The following CSRP2 variants were observed in gnomAD, a reference collection of about 807,000 sequenced individuals.
CSRP2 encodes the protein cysteine and glycine-rich protein 2.
In CSRP2, 18 loss-of-function variants were observed where a neutral mutation model predicts 24.6. The observed-to-expected ratio is 0.73, with a 90% CI of 0.51 to 1.09. The LOEUF is 1.09. Among genes scored for constraint, CSRP2 ranks in the 50% least tolerant of loss-of-function variants. The pLI, the probability that CSRP2 is intolerant of heterozygous loss-of-function variation, is 0.00. For synonymous variants in CSRP2, 87 were observed against 84.3 expected (o/e 1.03, Z -0.18); for missense variants, 215 against 239.4 (o/e 0.90, Z 0.67).
At chr12:76,860,586 CAG>C (rs1351426514) in intron 3 of CSRP2, 173 bp from the exon 4 acceptor site, 7 of 656,740 alleles carry the variant, frequency 1.1e-5, no homozygotes, top group Non-Finnish European at 1.7e-5. Context: ...AGGTGCCAGC[CAG>C]AGTTACTACT....
At chr12:76,877,431 A>C (rs1476708485) in intron 1 of CSRP2, among the ~76,000 whole-genome samples, 1 of 152,252 alleles carries the variant, frequency 6.6e-6, no homozygotes, top group Non-Finnish European at 1.5e-5. Flanking sequence ...ACTTTAGATC[A>C]AATCTGCAAA....
intron 2 of CSRP2, chr12:76,864,918 A>G (rs1953719950): frequency 6.6e-6 from 1 of 152,218 alleles, no homozygotes; most frequent in South Asian, 2.1e-4. Flanking sequence ...ATAAATGTAA[A>G]TACTGTTTTG....
intron 4 of CSRP2, 76 bp downstream of exon 4, chr12:76,860,208 G>A: frequency 1.4e-6 from 2 of 1,456,016 alleles, no homozygotes; most frequent in South Asian, 2.8e-5. Context: ...ACCCAAGCAA[G>A]GAATGTGGAA....
In CSRP2 at chr12:76,859,639, G is replaced by A; in HGVS notation, c.413C>T (p.Pro138Leu). ...AAEKIIGAGKPWHKNCFRCAK... is the reference protein window; with the variant it reads ...AAEKIIGAGKLWHKNCFRCAK... ...ACATCGGAAACAGTTTTTGTGCCAGGGCTGGAAGAGATGAATGTGTCAGCA... is the reference window on the plus strand; with the variant it reads ...ACATCGGAAACAGTTTTTGTGCCAGAGCTGGAAGAGATGAATGTGTCAGCA... The change falls in exon 5 of 6, where the codon CCC becomes CTC. Residue 138 changes from proline (P) to leucine (L), a missense_variant and splice_region_variant. Transcript: ENST00000311083. 1 of 1,609,632 alleles carries A rather than the reference G, an allele frequency of 6.2e-7. No individual in the cohort carries two copies. Among genetic ancestry groups the A allele is most frequent in the Non-Finnish European group, 8.5e-7 (1 of 1,178,544 alleles).
At chr12:76,871,536 C>T (rs1168353645) in intron 1 of CSRP2, among the ~76,000 whole-genome samples, 1 of 152,096 alleles carries the variant, frequency 6.6e-6, no homozygotes, top group Non-Finnish European at 1.5e-5. Context: ...TTTGGGAGGC[C>T]AAGGCGGGCA....
Position 76,860,264 on chromosome 12 carries a change from A to G in CSRP2, c.411+20T>C. ...CAGAGAGAAGTCATTTGCTGTTATT[A>G]ATTCCAAATAGCACTTTACCTTTCC... On this transcript the variant is annotated intron_variant, in intron 4 of 5. Coordinates refer to ENST00000311083, the MANE Select transcript of CSRP2 (RefSeq NM_001321.3). The G allele has an allele frequency of 5.6e-6, 9 of 1,610,754 alleles. No individual in the cohort carries two copies. The highest frequency in any genetic ancestry group is 6.8e-6 in the Non-Finnish European group (8 of 1,177,688).
intron 1 of CSRP2, among the ~76,000 whole-genome samples, chr12:76,877,984 A>C (rs1048546092): frequency 3.8e-5 from 3 of 78,138 alleles, no homozygotes; most frequent in African/African-American, 5.1e-5. Flanking sequence ...CCCCCAAAAA[A>C]AATTCTGTAC....
rs117324885 is a variant in CSRP2 at position 76,866,276 on chromosome 12, G to C, written c.-1-15C>G. 0.016 allele frequency: 25,883 copies of C among 1,594,820 alleles called. 252 individuals carry two copies. Among genetic ancestry groups the C allele is most frequent in the Non-Finnish European group, 0.02 (22,881 of 1,162,562 alleles). On this transcript the variant is annotated splice_polypyrimidine_tract_variant and intron_variant, in intron 1 of 5. Transcript: ENST00000311083. ...AGACAGGCATTCTGAAGGAATAAAGGATTCATTAGAATGTCCCTGTGCTGG... is the reference window on the plus strand; with the variant it reads ...AGACAGGCATTCTGAAGGAATAAAGCATTCATTAGAATGTCCCTGTGCTGG...
rs1038788947 is a variant in CSRP2 at position 76,862,992 on chromosome 12, A to G, written c.281+184T>C. 3 of 1,447,808 alleles carry G rather than the reference A, an allele frequency of 2.1e-6. No individual in the cohort carries two copies. The African/African-American group carries it at 4.3e-5, about 21-fold the overall frequency. 89.7% of individuals were successfully genotyped at this position (1,447,808 alleles called of 1,614,324 possible). ...GCCAGAAGTAGAAATCACTGGAATT[A>G]TTAATAAGAACTTTGTTAGGTCCAA... On this transcript the variant is annotated intron_variant, in intron 3 of 5. Coordinates refer to ENST00000311083, the MANE Select transcript of CSRP2 (RefSeq NM_001321.3).
chr12:76,877,240 C>A (rs12321227), intron 1 of CSRP2, among the ~76,000 whole-genome samples: 2 of 152,166 alleles, frequency 1.3e-5, no homozygotes, highest in Non-Finnish European at 2.9e-5. Flanking sequence ...CTCTACTCTA[C>A]ACCAACATTC....
At position 76,863,358 on chromosome 12, in the gene CSRP2, A is replaced by G. The variant is rs1164811818; in HGVS notation, c.113-14T>C. The G allele has an allele frequency of 6.2e-7, 1 of 1,613,078 alleles. No homozygotes were observed. Among genetic ancestry groups the G allele is most frequent in the East Asian group, 2.2e-5 (1 of 44,868 alleles). The stretch of plus-strand genomic sequence containing the variant: ...TCCTGCAAACCACTGCAGGGGAAAA[A>G]GTTAGACTTTACACATGTTCCAAAG... On this transcript the variant is annotated splice_polypyrimidine_tract_variant and intron_variant, in intron 2 of 5. Transcript: ENST00000311083.
intron 2 of CSRP2, chr12:76,865,643 A>G (rs1227357494): frequency 1.3e-5 from 2 of 152,686 alleles, no homozygotes; most frequent in African/African-American, 4.8e-5. Flanking sequence ...TACCTGACAT[A>G]ATCATTCATT....
At chr12:76,870,132 T>C (rs11115922) in intron 1 of CSRP2, among the ~76,000 whole-genome samples, 5,208 of 152,312 alleles carry the variant, frequency 0.034, 191 homozygotes, top group African/African-American at 0.09. Context: ...ATTGAAACAT[T>C]TCTCATATTA....
chr12:76,874,673 T>C (rs557781173), intron 1 of CSRP2, among the ~76,000 whole-genome samples: 114 of 152,232 alleles, frequency 7.5e-4, no homozygotes, highest in Admixed American at 1.2e-3. Flanking sequence ...TGTGGCCTGC[T>C]AGGAACCAGG....
At chr12:76,871,594 C>T (rs1034610604) in intron 1 of CSRP2, among the ~76,000 whole-genome samples, 17 of 152,062 alleles carry the variant, frequency 1.1e-4, no homozygotes, top group Non-Finnish European at 8.8e-5. Flanking sequence ...CACGGTGAAA[C>T]CCCGTCTCTA....
chr12:76,859,361 G>A (rs1953650898), intron 5 of CSRP2, 186 bp downstream of exon 5: 1 of 602,948 alleles, frequency 1.7e-6, no homozygotes, highest in African/African-American at 1.9e-5. Flanking sequence ...TTTATCTGGT[G>A]GGGAGTTTTA....
At chr12:76,860,576 A>C in intron 3 of CSRP2, 163 bp from the exon 4 acceptor site, 14 of 731,298 alleles carry the variant, frequency 1.9e-5, no homozygotes, top group Middle Eastern at 2.5e-4. Context: ...GAAGTGACTC[A>C]GGTGCCAGCC....
chr12:76,866,111 C>G, intron 2 of CSRP2, 38 bp downstream of exon 2: 1 of 1,513,642 alleles, frequency 6.6e-7, no homozygotes, highest in African/African-American at 1.4e-5. Flanking sequence ...TCTGTACATA[C>G]AAATTCCGTC....
chr12:76,862,053 A>G (rs1327204626), intron 3 of CSRP2: 2 of 152,178 alleles, frequency 1.3e-5, no homozygotes, highest in East Asian at 1.9e-4. Context: ...AGGAAGCCCT[A>G]TGTTGTAGGA....
Sources: gnomAD v4.1 joint callset for allele counts (sites outside exome capture counted in the v4.1 genomes callset) on GRCh38, gnomAD v4.1.1 for gene constraint, MANE v1.5 for transcripts, NCBI Gene and HGNC (gene_info 2026-07-23, HGNC 2026-07-21) for gene names.